VPS36: variants seen among roughly 807,000 people sequenced by gnomAD.
The protein encoded by VPS36 is vacuolar protein sorting 36 homolog.
VPS36 carries 31 observed loss-of-function variants against 63.5 expected under a neutral mutation model. The observed-to-expected ratio is 0.49, with a 90% CI of 0.37 to 0.66. The LOEUF (loss-of-function observed/expected upper bound fraction) is 0.66, where lower values mean the gene tolerates loss of function less well. VPS36 is among the 30% of genes least tolerant of loss of function. The pLI, the probability that VPS36 is intolerant of heterozygous loss-of-function variation, is 0.00. For missense variants in VPS36, 338 were observed against 463.7 expected (o/e 0.73, Z 2.49); for synonymous variants, 138 against 157.2 (o/e 0.88, Z 0.91).
intron 1 of VPS36, among the ~76,000 whole-genome samples, chr13:52,444,246 T>A (rs1223543724): frequency 6.6e-6 from 1 of 152,044 alleles, no homozygotes; most frequent in Non-Finnish European, 1.5e-5. Context: ...TCACGAGGTC[T>A]GGAGATCGAG....
At chr13:52,425,252 C>CAAAAAAA (rs748988364) in intron 9 of VPS36, among the ~76,000 whole-genome samples, 1 of 67,354 alleles carries the variant, frequency 1.5e-5, no homozygotes, top group African/African-American at 5.5e-5. Flanking sequence ...GACTCCGCCT[C>CAAAAAAA]AAAAAAAAAA....
chr13:52,437,259 T>C (rs762410761), intron 3 of VPS36, among the ~76,000 whole-genome samples: 2 of 152,184 alleles, frequency 1.3e-5, no homozygotes, highest in Non-Finnish European at 2.9e-5. Context: ...ACACCAGGCA[T>C]TGGGCCTCCT....
intron 1 of VPS36, among the ~76,000 whole-genome samples, chr13:52,445,466 C>G (rs1386165547): frequency 6.7e-6 from 1 of 149,506 alleles, no homozygotes; most frequent in Non-Finnish European, 1.5e-5. Context: ...GGTGAAACCC[C>G]GTCTCTACTA....
At chr13:52,431,305 A>C (rs1292101524) in intron 6 of VPS36, among the ~76,000 whole-genome samples, 1 of 152,224 alleles carries the variant, frequency 6.6e-6, no homozygotes, top group Non-Finnish European at 1.5e-5. Context: ...TGTCATCTTA[A>C]ATTTGAATAG....
chr13:52,433,025 C>G (rs1958176072), intron 6 of VPS36, among the ~76,000 whole-genome samples: 1 of 152,124 alleles, frequency 6.6e-6, no homozygotes. Context: ...AAACCAAGAC[C>G]ATTTTTATAT....
At chr13:52,447,166 C>T (rs565163649) in intron 1 of VPS36, among the ~76,000 whole-genome samples, 38 of 152,218 alleles carry the variant, frequency 2.5e-4, no homozygotes, top group African/African-American at 9.1e-4. Context: ...CATGAGCCAC[C>T]ACGCCTGGCC....
chr13:52,425,799 C>A (rs1958095845), intron 9 of VPS36, 133 bp downstream of exon 9: 3 of 945,166 alleles, frequency 3.2e-6, no homozygotes, highest in African/African-American at 3.4e-5. Context: ...ATTTAATATA[C>A]CTGAAAGAAA....
At chr13:52,445,889 G>C (rs1393866345) in intron 1 of VPS36, among the ~76,000 whole-genome samples, 2 of 121,706 alleles carry the variant, frequency 1.6e-5, no homozygotes, top group African/African-American at 6.2e-5. Context: ...GCAGTGAGCG[G>C]AGATCGCGCC....
intron 10 of VPS36, among the ~76,000 whole-genome samples, chr13:52,421,301 T>C (rs1214373474): frequency 6.6e-6 from 1 of 152,042 alleles, no homozygotes; most frequent in Non-Finnish European, 1.5e-5. Context: ...CTCACTTACA[T>C]GTAGAATCTT....
chr13:52,437,272 A>G (rs763620977), intron 3 of VPS36, among the ~76,000 whole-genome samples: 22 of 152,284 alleles, frequency 1.4e-4, no homozygotes, highest in African/African-American at 2.4e-4. Context: ...GGCCTCCTCA[A>G]TGTGAATGGG....
intron 10 of VPS36, among the ~76,000 whole-genome samples, chr13:52,422,390 G>A (rs1958055735): frequency 6.6e-6 from 1 of 151,994 alleles, no homozygotes; most frequent in Non-Finnish European, 1.5e-5. Context: ...TTCTATCTTT[G>A]CTTTTTTAAA....
At chr13:52,427,679 C>A (rs1178977044) in intron 6 of VPS36, among the ~76,000 whole-genome samples, 1 of 151,892 alleles carries the variant, frequency 6.6e-6, no homozygotes, top group Non-Finnish European at 1.5e-5. Flanking sequence ...AATAATAAAT[C>A]TACCTTATTC....
intron 10 of VPS36, 112 bp downstream of exon 10, chr13:52,423,462 G>A: frequency 1.1e-6 from 1 of 893,718 alleles, no homozygotes. Context: ...CTGTACCACA[G>A]TGCTTCTCAA....
intron 1 of VPS36, among the ~76,000 whole-genome samples, chr13:52,449,212 C>G (rs988241347): frequency 6.6e-6 from 1 of 152,160 alleles, no homozygotes; most frequent in Non-Finnish European, 1.5e-5. Context: ...GGCATGGTTG[C>G]AGGCGCCTGT....
Position 52,417,092 on chromosome 13 carries a change from T to C in VPS36, c.955A>G (p.Lys319Glu), listed in dbSNP as rs912383022. Residue 319 changes from lysine to glutamate, a missense_variant, in exon 12 of 14, where the codon AAG (lysine) becomes GAG (glutamate). By Grantham distance (56) the Lys-to-Glu change is moderately conservative. Transcript: ENST00000378060. Reference protein sequence around the residue: ...GVMVIELQSHKEEEMVASALE... With the variant: ...GVMVIELQSHEEEEMVASALE... Reference sequence around the variant, plus strand: ...GCCGAGGCCACCATTTCCTCTTCCTTGTGAGACTGAAGCTCAATTACCATG... The same window carrying C: ...GCCGAGGCCACCATTTCCTCTTCCTCGTGAGACTGAAGCTCAATTACCATG... The C allele has an allele frequency of 5.0e-6, 8 of 1,613,990 alleles. No homozygotes were observed. Among genetic ancestry groups the C allele is most frequent in the Non-Finnish European group, 6.8e-6 (8 of 1,180,014 alleles).
Position 52,413,455 on chromosome 13 carries a change from AG to A in VPS36, c.*2374del, listed in dbSNP as rs1459622664. On this transcript the variant is annotated 3_prime_UTR_variant, in exon 14 of 14. Coordinates refer to ENST00000378060, the MANE Select transcript of VPS36 (RefSeq NM_016075.4). ...ACATAACTGGCTTTAGTATGATTAAAGGTTTCTCATTTGCATATATGTTTCA... is the reference window on the plus strand; with the variant it reads ...ACATAACTGGCTTTAGTATGATTAAAGTTTCTCATTTGCATATATGTTTCA... 6.6e-6 allele frequency: 1 copy of A among 152,236 alleles called. No individual in the cohort carries two copies. The highest frequency in any genetic ancestry group is 1.5e-5 in the Non-Finnish European group (1 of 68,030). 9.4% of individuals were successfully genotyped at this position (152,236 alleles called of 1,614,324 possible).
At chr13:52,432,038 C>A (rs1453683071) in intron 6 of VPS36, among the ~76,000 whole-genome samples, 1 of 151,934 alleles carries the variant, frequency 6.6e-6, no homozygotes, top group Non-Finnish European at 1.5e-5. Context: ...TCCATGAATT[C>A]ATAATGACAT....
chr13:52,433,864 A>C (rs1299500468), intron 5 of VPS36, 116 bp from the exon 6 acceptor site: 2 of 784,816 alleles, frequency 2.5e-6, no homozygotes, highest in East Asian at 5.0e-5. Context: ...AGAACCAAAG[A>C]AAAACAGCAT....
At position 52,436,319 on chromosome 13, in the gene VPS36, G is replaced by C; in HGVS notation, c.322C>G (p.Leu108Val). ...FQSSKNSYIK[L>V]SFKEHGQIEF... ...ATCTGGCCATGTTCTTTGAAGGAGAGTTTGATGTAGGAGTTCTTACTACTC... is the reference window on the plus strand; with the variant it reads ...ATCTGGCCATGTTCTTTGAAGGAGACTTTGATGTAGGAGTTCTTACTACTC... The change falls in exon 4 of 14, where the codon CTC (leucine) becomes GTC (valine). Residue 108 changes from leucine (L) to valine (V), a missense_variant. By Grantham distance (32) the Leu-to-Val change is conservative (BLOSUM62 1). Transcript: ENST00000378060. 3.7e-6 allele frequency: 6 copies of C among 1,612,564 alleles called. No homozygotes were observed. Among genetic ancestry groups the C allele is most frequent in the Non-Finnish European group, 5.1e-6 (6 of 1,179,552 alleles).
Sources: allele counts gnomAD v4.1 joint callset (sites outside exome capture counted in the v4.1 genomes callset), GRCh38; gene constraint gnomAD v4.1.1; transcripts MANE v1.5; gene names NCBI Gene and HGNC (gene_info 2026-07-23, HGNC 2026-07-21).